The following COQ8A variants were observed in gnomAD, a reference collection of about 807,000 sequenced individuals.
The protein encoded by COQ8A is atypical kinase COQ8A, mitochondrial.
Under a neutral mutation model 65.0 loss-of-function variants are expected in COQ8A, and 51 were observed. That is an observed-to-expected ratio of 0.78 (90% confidence interval 0.63 to 0.99). The LOEUF (loss-of-function observed/expected upper bound fraction) is 0.99, where lower values mean the gene tolerates loss of function less well. Ranked by LOEUF, COQ8A falls within the 50% of genes least tolerant of loss-of-function variation. The pLI is 0.00. For missense variants in COQ8A, 940 were observed against 875.0 expected (o/e 1.07, Z -0.94); for synonymous variants, 371 against 353.2 (o/e 1.05, Z -0.57).
At position 226,959,067 on chromosome 1, in the gene COQ8A, C is replaced by T. The variant is rs16841298; in HGVS notation, c.-9-2310C>T. 2.2e-3 allele frequency among the ~76,000 whole-genome samples: 329 copies of T among 152,208 alleles called. 9 individuals carry two copies. In the East Asian group the frequency reaches 0.045, roughly 21 times the overall value. ...GTACACCCCTGGAAGGGATTTGCAG[C>T]GAAATTGTGGGATCGTTGAATTATG... On this transcript the variant is annotated intron_variant, in intron 1 of 14. Coordinates refer to ENST00000366777, the MANE Select transcript of COQ8A (RefSeq NM_020247.5).
intron 1 of COQ8A, among the ~76,000 whole-genome samples, chr1:226,957,903 G>A (rs1657909854): frequency 1.3e-5 from 2 of 152,100 alleles, no homozygotes; most frequent in Admixed American, 1.3e-4. Flanking sequence ...CGGTGTCCCT[G>A]AAAGGTCAGA....
chr1:226,984,685 C>T (rs776275477), intron 12 of COQ8A, 30 bp downstream of exon 12: 25 of 1,597,102 alleles, frequency 1.6e-5, no homozygotes, highest in Non-Finnish European at 2.1e-5. Flanking sequence ...CACCCGCAGC[C>T]AGGCCTGAGA....
chr1:226,983,093 G>A, intron 8 of COQ8A, 59 bp downstream of exon 8: 4 of 1,539,228 alleles, frequency 2.6e-6, no homozygotes, highest in Non-Finnish European at 3.5e-6. Context: ...CAGAGCTGGG[G>A]CCTGGCTCAT....
chr1:226,957,768 C>T (rs1283011987), intron 1 of COQ8A, among the ~76,000 whole-genome samples: 1 of 152,210 alleles, frequency 6.6e-6, no homozygotes, highest in Non-Finnish European at 1.5e-5. Context: ...GCCGGTTAGA[C>T]AGCCCGTGGG....
At chr1:226,961,339 G>C in intron 1 of COQ8A, 38 bp from the exon 2 acceptor site, 1 of 1,611,440 alleles carries the variant, frequency 6.2e-7, no homozygotes, top group South Asian at 1.1e-5. Flanking sequence ...GCCTGCAGAG[G>C]CCTGGGGCCT....
At position 226,965,387 on chromosome 1, in the gene COQ8A, G is replaced by A. The variant is rs755269625; in HGVS notation, c.565G>A (p.Glu189Lys). 6.2e-6 allele frequency: 10 copies of A among 1,610,500 alleles called. No homozygotes were observed. The East Asian group carries it at 8.9e-5, about 14-fold the overall frequency. The change falls in exon 3 of 15, where the codon GAG becomes AAG. Residue 189 changes from glutamate (E) to lysine (K), a missense_variant. Physicochemically the swap from Glu to Lys is moderately conservative, Grantham distance 56. Coordinates refer to ENST00000366777, the MANE Select transcript of COQ8A (RefSeq NM_020247.5). ...GGCCCGGCAGGCTAAGGCTCGCCCC[G>A]AGAACAAGCAGCACAAACAGACGGT... The part of the protein sequence containing the change: ...EKARQAKARP[E>K]NKQHKQTLSE...
chr1:226,968,414 A>G (rs942928747), intron 4 of COQ8A, among the ~76,000 whole-genome samples: 6 of 152,226 alleles, frequency 3.9e-5, no homozygotes, highest in African/African-American at 1.2e-4. Context: ...AACTATACAC[A>G]TGGCAAGATA....
At chr1:226,961,922 C>G (rs1658277875) in intron 2 of COQ8A, among the ~76,000 whole-genome samples, 1 of 152,182 alleles carries the variant, frequency 6.6e-6, no homozygotes, top group Non-Finnish European at 1.5e-5. Flanking sequence ...AGGAGGAGGG[C>G]AAGGCTGCTC....
In COQ8A at chr1:226,961,422, A is replaced by G. The variant is rs764577827; in HGVS notation, c.37A>G (p.Lys13Glu). The change falls in exon 2 of 15, where the codon AAA becomes GAA. Residue 13 changes from lysine (K) to glutamate (E), a missense_variant. By Grantham distance (56) the Lys-to-Glu change is moderately conservative. Transcript: ENST00000366777. ...ATTGGGAGACACCATCATGGTGGCT[A>G]AAGGCCTTGTCAAGCTGACCCAGGC... ...AILGDTIMVA[K>E]GLVKLTQAAV... 3.1e-6 allele frequency: 5 copies of G among 1,613,802 alleles called. No homozygotes were observed. Among genetic ancestry groups the G allele is most frequent in the Non-Finnish European group, 3.4e-6 (4 of 1,180,028 alleles).
chr1:226,956,175 C>T lies in COQ8A; in HGVS notation c.-9-5202C>T, dbSNP rs191423786. On this transcript the variant is annotated intron_variant, in intron 1 of 14. Transcript: ENST00000366777. The stretch of plus-strand genomic sequence containing the variant: ...CCTGGTTCACACTCTCCCTGGTTCC[C>T]GCTCTCCCTGATTCACACTCTCCCT... Among the ~76,000 whole-genome samples, 41 of 140,208 alleles carry T rather than the reference C, an allele frequency of 2.9e-4. 2 individuals carry two copies. Among genetic ancestry groups the T allele is most frequent in the Middle Eastern group, 3.7e-3 (1 of 270 alleles). 92.0% of individuals were successfully genotyped at this position (140,208 alleles called of 152,430 possible). A position where few individuals can be genotyped will look rare whatever the true frequency, so the allele number is the denominator to read the frequency against.
intron 5 of COQ8A, among the ~76,000 whole-genome samples, chr1:226,979,840 T>A (rs573188434): frequency 6.6e-6 from 1 of 152,142 alleles, no homozygotes; most frequent in Non-Finnish European, 1.5e-5. Flanking sequence ...GTGCTGACAC[T>A]CTCTGGGAAA....
intron 13 of COQ8A, 98 bp downstream of exon 13, chr1:226,985,039 C>A: frequency 6.8e-7 from 1 of 1,475,300 alleles, no homozygotes; most frequent in Non-Finnish European, 9.4e-7. Flanking sequence ...GGTTCCTGCC[C>A]TTGTGTCCCC....
intron 2 of COQ8A, among the ~76,000 whole-genome samples, chr1:226,964,362 C>T (rs1325185606): frequency 6.6e-6 from 1 of 152,168 alleles, no homozygotes; most frequent in African/African-American, 2.4e-5. Flanking sequence ...CAGAAAGGAC[C>T]TGGGCCCGAA....
At chr1:226,965,483 A>G in intron 3 of COQ8A, 73 bp downstream of exon 3, 1 of 1,570,438 alleles carries the variant, frequency 6.4e-7, no homozygotes, top group Non-Finnish European at 8.6e-7. Flanking sequence ...GCTCTGCTCT[A>G]GGGACTTTTC....
chr1:226,975,480 T>G (rs1252539517), intron 4 of COQ8A, among the ~76,000 whole-genome samples: 1 of 152,252 alleles, frequency 6.6e-6, no homozygotes, highest in Non-Finnish European at 1.5e-5. Flanking sequence ...GCAAAATATC[T>G]CTAATAATAT....
intron 2 of COQ8A, among the ~76,000 whole-genome samples, chr1:226,964,385 G>A (rs939983993): frequency 9.9e-5 from 15 of 152,170 alleles, no homozygotes; most frequent in Admixed American, 8.5e-4. Flanking sequence ...TCAGGCCTTG[G>A]TGACCATCAC....
At chr1:226,978,394 A>C (rs2148110454) in intron 5 of COQ8A, among the ~76,000 whole-genome samples, 2 of 119,052 alleles carry the variant, frequency 1.7e-5, no homozygotes, top group African/African-American at 3.4e-5. Flanking sequence ...ATACCCTCCA[A>C]ACACCCGCAC....
intron 5 of COQ8A, among the ~76,000 whole-genome samples, chr1:226,978,270 T>G: frequency 1.2e-5 from 1 of 83,588 alleles, no homozygotes; most frequent in South Asian, 4.3e-4. Flanking sequence ...CCGCACCCAC[T>G]GAACACCCGC....
chr1:226,981,424 A>G (rs896775076), intron 5 of COQ8A, among the ~76,000 whole-genome samples: 9 of 152,248 alleles, frequency 5.9e-5, no homozygotes, highest in African/African-American at 2.2e-4. Flanking sequence ...ATCACTGGCC[A>G]GCTGGCTGCA....
Sources: gnomAD v4.1 joint callset for allele counts (sites outside exome capture counted in the v4.1 genomes callset) on GRCh38, gnomAD v4.1.1 for gene constraint, MANE v1.5 for transcripts, NCBI Gene and HGNC (gene_info 2026-07-23, HGNC 2026-07-21) for gene names.